The following RBM19 variants were observed in gnomAD, a reference collection of about 807,000 sequenced individuals.
RBM19 encodes probable RNA-binding protein 19.
Under a neutral mutation model 116.8 loss-of-function variants are expected in RBM19, and 94 were observed. The ratio of observed to expected loss-of-function variants is 0.80; its 90% CI spans 0.68 to 0.95. RBM19 has a LOEUF of 0.95. RBM19 is among the 40% of genes least tolerant of loss of function. RBM19 has a pLI of 0.00. For missense variants in RBM19, 1,161 were observed against 1,220.7 expected, an observed-to-expected ratio of 0.95 and a Z score of 0.73; for synonymous variants, 475 against 494.1, an observed-to-expected ratio of 0.96 and a Z score of 0.51.
Position 113,870,748 on chromosome 12 carries a change from C to T in RBM19, c.2559-11852G>A, listed in dbSNP as rs7970309. On this transcript the variant is annotated intron_variant, in intron 21 of 23. Coordinates refer to ENST00000261741, the MANE Select transcript of RBM19 (RefSeq NM_016196.4). ...TAGAAAACTCTCCATGTATCGTCTC[C>T]GCACTAACAGCACCAAGCAGCAGCC... 5.9e-3 allele frequency among the ~76,000 whole-genome samples: 893 copies of T among 152,222 alleles called. 9 individuals carry two copies. The highest frequency in any genetic ancestry group is 0.02 in the African/African-American group (846 of 41,534).
intron 22 of RBM19, among the ~76,000 whole-genome samples, chr12:113,855,158 C>T (rs541168400): frequency 5.9e-5 from 9 of 152,258 alleles, no homozygotes; most frequent in East Asian, 1.9e-4. Flanking sequence ...AGTTCGGGGA[C>T]GGTGGAGACG....
intron 21 of RBM19, among the ~76,000 whole-genome samples, chr12:113,882,404 T>C (rs954669887): frequency 3.9e-5 from 6 of 152,358 alleles, no homozygotes; most frequent in African/African-American, 1.4e-4. Flanking sequence ...TTCAAGGCTC[T>C]GTAAACCTTA....
chr12:113,861,791 A>G (rs4766701), intron 21 of RBM19, among the ~76,000 whole-genome samples: 17,549 of 152,106 alleles, frequency 0.12, 1,195 homozygotes, highest in Non-Finnish European at 0.16. Context: ...GAAAGCTGGG[A>G]CAGAAGGGCA....
intron 16 of RBM19, among the ~76,000 whole-genome samples, chr12:113,929,895 A>C (rs995891624): frequency 6.6e-6 from 1 of 152,180 alleles, no homozygotes; most frequent in African/African-American, 2.4e-5. Context: ...TTCATGGAAG[A>C]CTGGAAAAAA....
chr12:113,819,435 C>T (rs1411463833), downstream of RBM19, among the ~76,000 whole-genome samples: 1 of 152,218 alleles, frequency 6.6e-6, no homozygotes, highest in Non-Finnish European at 1.5e-5. Flanking sequence ...GGAAGGGTCA[C>T]AGCCCCCTGA....
intron 14 of RBM19, 60 bp downstream of exon 14, chr12:113,942,264 A>G (rs976956584): frequency 6.2e-6 from 9 of 1,444,464 alleles, no homozygotes; most frequent in Non-Finnish European, 8.6e-6. Flanking sequence ...TCTCCCCTGG[A>G]AAGGCCATTC....
At chr12:113,918,983 A>T (rs1010201870) in intron 19 of RBM19, among the ~76,000 whole-genome samples, 1 of 152,222 alleles carries the variant, frequency 6.6e-6, no homozygotes. Flanking sequence ...TCACATATGC[A>T]TGCACACAAT....
rs1874813298 is a variant in RBM19 at position 113,825,857 on chromosome 12, G to C, written c.2786-2536C>G. 6.6e-6 allele frequency among the ~76,000 whole-genome samples: 1 copy of C among 152,194 alleles called. No individual in the cohort carries two copies. The highest frequency in any genetic ancestry group is 2.4e-5 in the African/African-American group (1 of 41,434). On this transcript the variant is annotated intron_variant, in intron 23 of 23. Transcript: ENST00000261741. This position sits in a 1 kb window ranked among gnomAD's most constrained non-coding sequence, Gnocchi z 5.7. ...CCTCCCAGGAGTCTGGTCTCAAACGGCAGCCAGAGGGAGCTTGTTAAATCC... is the reference window on the plus strand; with the variant it reads ...CCTCCCAGGAGTCTGGTCTCAAACGCCAGCCAGAGGGAGCTTGTTAAATCC...
intron 21 of RBM19, among the ~76,000 whole-genome samples, chr12:113,907,495 G>A (rs1032707161): frequency 4.6e-5 from 7 of 152,186 alleles, no homozygotes; most frequent in Admixed American, 1.3e-4. Flanking sequence ...CATTCATTCC[G>A]TCCTTTCAAA....
At chr12:113,904,365 C>T (rs534142094) in intron 21 of RBM19, among the ~76,000 whole-genome samples, 1 of 152,302 alleles carries the variant, frequency 6.6e-6, no homozygotes, top group South Asian at 2.1e-4. Context: ...ATAGGAAAGA[C>T]AGCACAGGAA....
chr12:113,951,924 C>A (rs1871504325), intron 8 of RBM19, among the ~76,000 whole-genome samples: 1 of 152,224 alleles, frequency 6.6e-6, no homozygotes, highest in African/African-American at 2.4e-5. Flanking sequence ...CAGTGTGGTT[C>A]TCTTGAGAAG....
intron 22 of RBM19, among the ~76,000 whole-genome samples, chr12:113,849,871 C>T (rs892024742): frequency 6.6e-5 from 10 of 152,192 alleles, no homozygotes; most frequent in African/African-American, 2.4e-4. Flanking sequence ...CACAGTGTGA[C>T]CAGGGCTCCC....
At chr12:113,860,974 C>T (rs1039786486) in intron 21 of RBM19, among the ~76,000 whole-genome samples, 4 of 152,114 alleles carry the variant, frequency 2.6e-5, no homozygotes, top group Admixed American at 6.5e-5. Context: ...CCTCAGAGGG[C>T]GGTGATGAGG....
chr12:113,963,895 T>A (rs1438363958), intron 1 of RBM19, among the ~76,000 whole-genome samples: 1 of 152,224 alleles, frequency 6.6e-6, no homozygotes, highest in Non-Finnish European at 1.5e-5. Flanking sequence ...GGGTGATATT[T>A]CCCAAGACAG....
intron 23 of RBM19, among the ~76,000 whole-genome samples, chr12:113,830,589 GTGGGCTATGCC>G (rs1875323626): frequency 1.4e-5 from 1 of 73,100 alleles, no homozygotes; most frequent in Admixed American, 1.5e-4. Flanking sequence ...GGGGGGGGGG[GTGGGCTATGCC>G]TGGGGGCTTC....
At position 113,918,263 on chromosome 12, in the gene RBM19, G is replaced by A. The variant is rs1045525466; in HGVS notation, c.2441+129C>T. 4.0e-5 allele frequency: 35 copies of A among 873,820 alleles called. No individual in the cohort carries two copies. In the African/African-American group the frequency reaches 5.8e-4, roughly 15 times the overall value. 54.1% of individuals were successfully genotyped at this position (873,820 alleles called of 1,614,324 possible). A position where few individuals can be genotyped will look rare whatever the true frequency, so the allele number is the denominator to read the frequency against. ...CATAATTAGGCATCTTAATTAGGAA[G>A]AGTCCTAAATGGTAAAGGGATAGGT... On this transcript the variant is annotated intron_variant, in intron 20 of 23. Transcript: ENST00000261741.
chr12:113,872,294 A>G (rs1166037542), intron 21 of RBM19, among the ~76,000 whole-genome samples: 2 of 131,374 alleles, frequency 1.5e-5, no homozygotes, highest in African/African-American at 5.7e-5. Flanking sequence ...CCTGGCAACC[A>G]CCCCGTCTGA....
chr12:113,836,783 C>T (rs1875932564), intron 23 of RBM19, among the ~76,000 whole-genome samples: 2 of 151,752 alleles, frequency 1.3e-5, no homozygotes, highest in South Asian at 4.2e-4. Flanking sequence ...CCAAGCAATG[C>T]TTATGTGTCA....
chr12:113,833,510 C>G (rs1875616331), intron 23 of RBM19, among the ~76,000 whole-genome samples: 1 of 152,242 alleles, frequency 6.6e-6, no homozygotes, highest in Admixed American at 6.5e-5. Flanking sequence ...GACAAGGCCC[C>G]AGGAGGAAAC....
Sources: allele counts gnomAD v4.1 joint callset (sites outside exome capture counted in the v4.1 genomes callset), GRCh38; gene constraint gnomAD v4.1.1; non-coding constraint Gnocchi (gnomAD v3.1); transcripts MANE v1.5; gene names NCBI Gene and HGNC (gene_info 2026-07-23, HGNC 2026-07-21).